Variants in NEK1 observed in about 807,000 individuals in gnomAD.
NEK1 encodes the protein NIMA related kinase 1, also known as serine/threonine-protein kinase Nek1.
NEK1 carries 137 observed loss-of-function variants against 182.1 expected under a neutral mutation model. The ratio of observed to expected loss-of-function variants is 0.75; its 90% confidence interval spans 0.65 to 0.87. The LOEUF is 0.87. NEK1 is among the 40% of genes least tolerant of loss of function. The pLI, the probability that NEK1 is intolerant of heterozygous loss-of-function variation, is 0.00. For synonymous variants in NEK1, 513 were observed against 492.2 expected (o/e 1.04, Z -0.56); for missense variants, 1,391 against 1,494.4 (o/e 0.93, Z 1.14).
At chr4:169,430,229 C>T (rs898560399) in intron 29 of NEK1, among the ~76,000 whole-genome samples, 43 of 152,094 alleles carry the variant, frequency 2.8e-4, no homozygotes, top group Non-Finnish European at 4.4e-5. Context: ...GTCACCTAGG[C>T]TGGAGTACAG....
intron 11 of NEK1, among the ~76,000 whole-genome samples, chr4:169,579,863 G>C (rs1766323102): frequency 6.6e-6 from 1 of 151,162 alleles, no homozygotes. Flanking sequence ...CTAGCTAAAT[G>C]GGCTCATTTT....
intron 31 of NEK1, among the ~76,000 whole-genome samples, chr4:169,420,508 G>A (rs183035868): frequency 6.6e-6 from 1 of 152,334 alleles, no homozygotes; most frequent in East Asian, 1.9e-4. Context: ...AAACATGTGA[G>A]TAATGCACTA....
intron 27 of NEK1, among the ~76,000 whole-genome samples, chr4:169,456,072 C>T (rs1445481724): frequency 6.6e-6 from 1 of 152,024 alleles, no homozygotes; most frequent in African/African-American, 2.4e-5. Flanking sequence ...TTTTTGGAAA[C>T]TATACAAACA....
intron 18 of NEK1, among the ~76,000 whole-genome samples, chr4:169,546,805 T>C (rs956918409): frequency 1.2e-4 from 19 of 152,206 alleles, no homozygotes; most frequent in African/African-American, 4.6e-4. Flanking sequence ...AACCCCTGCT[T>C]TTTTTGTTTT....
intron 23 of NEK1, among the ~76,000 whole-genome samples, chr4:169,486,582 A>T (rs1749081751): frequency 1.3e-5 from 2 of 152,364 alleles, no homozygotes; most frequent in Admixed American, 6.5e-5. Flanking sequence ...TATCATGGCC[A>T]AATCTTATCA....
intron 12 of NEK1, among the ~76,000 whole-genome samples, chr4:169,567,646 G>A (rs528532899): frequency 3.9e-5 from 6 of 152,178 alleles, no homozygotes; most frequent in African/African-American, 9.6e-5. Context: ...CACCTGCCTC[G>A]GCCTCCCAAA....
chr4:169,403,356 C>G (rs1355684260), intron 32 of NEK1, among the ~76,000 whole-genome samples: 1 of 151,980 alleles, frequency 6.6e-6, no homozygotes, highest in African/African-American at 2.4e-5. Context: ...TTGCTTGAGG[C>G]CAGGAGTTTG....
intron 12 of NEK1, among the ~76,000 whole-genome samples, chr4:169,571,665 T>C (rs917714319): frequency 2.6e-5 from 4 of 151,784 alleles, no homozygotes; most frequent in African/African-American, 4.8e-5. Flanking sequence ...AAGGGAAGAG[T>C]AGCAAATGAG....
At chr4:169,424,858 G>A in intron 30 of NEK1, 58 bp from the exon 31 acceptor site, 1 of 1,474,304 alleles carries the variant, frequency 6.8e-7, no homozygotes, top group Non-Finnish European at 9.1e-7. Context: ...AGTTCTAAAT[G>A]ATATTGATAA....
intron 23 of NEK1, among the ~76,000 whole-genome samples, chr4:169,480,529 A>G (rs1249342917): frequency 6.7e-6 from 1 of 149,616 alleles, no homozygotes; most frequent in Non-Finnish European, 1.5e-5. Flanking sequence ...AAAAAAAAAA[A>G]AGCTAATGAT....
intron 11 of NEK1, among the ~76,000 whole-genome samples, chr4:169,579,835 C>T (rs955828111): frequency 2.7e-5 from 4 of 150,676 alleles, no homozygotes; most frequent in East Asian, 3.9e-4. Flanking sequence ...TTCCTGAGAA[C>T]GCACTGTCAT....
chr4:169,538,051 CTA>C (rs753301007), intron 18 of NEK1, 140 bp from the exon 19 acceptor site: 13 of 548,878 alleles, frequency 2.4e-5, no homozygotes, highest in South Asian at 5.9e-5. Flanking sequence ...GAAGAAATCA[CTA>C]TATATATATT....
chr4:169,441,399 C>T (rs1739433511), intron 27 of NEK1, among the ~76,000 whole-genome samples: 1 of 152,242 alleles, frequency 6.6e-6, no homozygotes, highest in Non-Finnish European at 1.5e-5. Flanking sequence ...TCAGAGCTGG[C>T]ACTAGCAAGC....
chr4:169,568,297 CA>C, intron 12 of NEK1, among the ~76,000 whole-genome samples: 1 of 152,168 alleles, frequency 6.6e-6, no homozygotes, highest in Non-Finnish European at 1.5e-5. Flanking sequence ...GTATATATTC[CA>C]AACATTAAAA....
chr4:169,529,301 CA>C (rs34347908), intron 19 of NEK1, among the ~76,000 whole-genome samples: 71,500 of 151,470 alleles, frequency 0.47, 19,428 homozygotes, highest in East Asian at 0.76. Context: ...AATTTAAAAA[CA>C]AAAAAAAGAG....
intron 27 of NEK1, among the ~76,000 whole-genome samples, chr4:169,445,710 A>AT (rs770743486): frequency 4.0e-5 from 6 of 151,830 alleles, no homozygotes; most frequent in Non-Finnish European, 7.4e-5. Context: ...GCAAAAAAAA[A>AT]CAAAACAAAA....
chr4:169,442,583 C>T (rs995333713), intron 27 of NEK1, among the ~76,000 whole-genome samples: 6 of 152,128 alleles, frequency 3.9e-5, no homozygotes, highest in South Asian at 2.1e-4. Flanking sequence ...AATTCTCCAA[C>T]AAGATTCCAA....
chr4:169,464,609 G>A (rs1744590627), intron 26 of NEK1, among the ~76,000 whole-genome samples: 2 of 151,938 alleles, frequency 1.3e-5, no homozygotes, highest in Admixed American at 1.3e-4. Flanking sequence ...GATTAGAAAT[G>A]CTCAACCTGT....
At chr4:169,465,070 T>C (rs962797744) in intron 26 of NEK1, among the ~76,000 whole-genome samples, 1 of 152,126 alleles carries the variant, frequency 6.6e-6, no homozygotes, top group East Asian at 1.9e-4. Context: ...TACATATTGA[T>C]ACAGTTAATG....
Sources: allele counts gnomAD v4.1 joint callset (sites outside exome capture counted in the v4.1 genomes callset), GRCh38; gene constraint gnomAD v4.1.1; transcripts MANE v1.5; gene names NCBI Gene and HGNC (gene_info 2026-07-23, HGNC 2026-07-21).